The following DEFB106A variants were observed in gnomAD, a reference collection of about 807,000 sequenced individuals.
DEFB106A encodes defensin beta 106A, also known as beta-defensin 106.
For synonymous variants in DEFB106A, 1 was observed against 22.5 expected, an observed-to-expected ratio of 0.04 and a Z score of 2.70; for missense variants, 4 against 63.7, an observed-to-expected ratio of 0.06 and a Z score of 3.19.
intron 1 of DEFB106A, among the ~76,000 whole-genome samples, chr8:7,827,502 ATAT>A (rs1459413778): frequency 1.6e-4 from 19 of 115,646 alleles, no homozygotes; most frequent in South Asian, 3.5e-4. Flanking sequence ...TATATATACT[ATAT>A]TATTACTAGT....
intron 1 of DEFB106A, among the ~76,000 whole-genome samples, chr8:7,827,755 A>G (rs553584212): frequency 1.8e-4 from 25 of 138,998 alleles, no homozygotes; most frequent in Admixed American, 1.5e-3. Flanking sequence ...ACTAAACCAA[A>G]AAGATTTTAT....
rs1563447764 is a variant in DEFB106A, at chr8:7,826,689, GAT to G, written c.49+1466_49+1467del. Among the ~76,000 whole-genome samples the G allele has an allele frequency of 1.0e-4, 10 of 98,442 alleles. No individual in the cohort carries two copies. The Admixed American group carries it at 1.1e-3, about 11-fold the overall frequency. 64.6% of individuals were successfully genotyped at this position (98,442 alleles called of 152,430 possible). A position where few individuals can be genotyped will look rare whatever the true frequency, so the allele number is the denominator to read the frequency against. Reference sequence around the variant, plus strand: ...ATACATATTTTTTTTTTTTTTTTGAGATAGAGTCTCACTCTGTTCCCCGGGCT... The same window carrying G: ...ATACATATTTTTTTTTTTTTTTTGAGAGAGTCTCACTCTGTTCCCCGGGCT... On this transcript the variant is annotated intron_variant, in intron 1 of 1. Transcript: ENST00000335186.
chr8:7,827,311 G>T (rs1413648077), intron 1 of DEFB106A, among the ~76,000 whole-genome samples: 1 of 119,340 alleles, frequency 8.4e-6, no homozygotes, highest in Admixed American at 9.2e-5. Context: ...TAATACACTA[G>T]TATATAGTAT....
In DEFB106A at chr8:7,825,239, C is replaced by CT; in HGVS notation, c.49+17dup. 8.2e-6 allele frequency: 3 copies of CT among 367,346 alleles called. No individual in the cohort carries two copies. The highest frequency in any genetic ancestry group is 9.6e-6 in the Non-Finnish European group (2 of 208,468). 22.8% of individuals were successfully genotyped at this position (367,346 alleles called of 1,614,324 possible). The stretch of plus-strand genomic sequence containing the variant: ...TTCTGACCCCAGGTAAAATGGGCAT[C>CT]TTTACAGGGAAGGTGATCGGAGGTG... On this transcript the variant is annotated intron_variant, in intron 1 of 1. Transcript: ENST00000335186.
Position 7,827,740 on chromosome 8 carries a change from A to G in DEFB106A, c.50-1065A>G, listed in dbSNP as rs1817459165. Reference sequence around the variant, plus strand: ...AGTATATACTAAGCTATACTATGATACTATACTAAACCAAAAAGATTTTAT... The same window carrying G: ...AGTATATACTAAGCTATACTATGATGCTATACTAAACCAAAAAGATTTTAT... On this transcript the variant is annotated intron_variant, in intron 1 of 1. Coordinates refer to ENST00000335186, the MANE Select transcript of DEFB106A (RefSeq NM_152251.4). 1.4e-5 allele frequency among the ~76,000 whole-genome samples: 2 copies of G among 138,488 alleles called. 1 individual carries two copies. Among genetic ancestry groups the G allele is most frequent in the East Asian group, 4.2e-4 (2 of 4,760 alleles). 90.9% of individuals were successfully genotyped at this position (138,488 alleles called of 152,430 possible).
At chr8:7,826,525 G>C (rs1817402609) in intron 1 of DEFB106A, among the ~76,000 whole-genome samples, 2 of 149,078 alleles carry the variant, frequency 1.3e-5, no homozygotes, top group African/African-American at 4.9e-5. Context: ...AATAGTATTA[G>C]AGAAAATCTT....
intron 1 of DEFB106A, among the ~76,000 whole-genome samples, chr8:7,826,874 T>C (rs1025277846): frequency 6.3e-5 from 8 of 127,830 alleles, no homozygotes; most frequent in African/African-American, 2.1e-4. Flanking sequence ...TTCACCGTGT[T>C]GGTCAGCCTG....
chr8:7,826,578 T>C (rs1342018401), intron 1 of DEFB106A, among the ~76,000 whole-genome samples: 1 of 148,510 alleles, frequency 6.7e-6, no homozygotes, highest in African/African-American at 2.5e-5. Flanking sequence ...GTATATACTA[T>C]AATTATTTAC....
rs1409320931 is a variant in DEFB106A, at chr8:7,826,533, C to A, written c.49+1308C>A. 1.5e-4 allele frequency among the ~76,000 whole-genome samples: 22 copies of A among 148,840 alleles called. 1 individual carries two copies. Among genetic ancestry groups the A allele is most frequent in the South Asian group, 1.1e-3 (5 of 4,690 alleles). On this transcript the variant is annotated intron_variant, in intron 1 of 1. Transcript: ENST00000335186. Reference sequence around the variant, plus strand: ...ATAATACAATAGTATTAGAGAAAATCTTTTTGGTTTAGTATAGTATTATAG... The same window carrying A: ...ATAATACAATAGTATTAGAGAAAATATTTTTGGTTTAGTATAGTATTATAG...
chr8:7,827,674 C>A (rs1404571179), intron 1 of DEFB106A, among the ~76,000 whole-genome samples: 1 of 132,428 alleles, frequency 7.6e-6, no homozygotes, highest in Non-Finnish European at 1.7e-5. Context: ...CTATAGTATA[C>A]ACTATTATAC....
chr8:7,828,938 G>C lies in DEFB106A; in HGVS notation c.183G>C (p.Gly61=). The C allele has an allele frequency of 6.7e-7, 1 of 1,483,096 alleles. No individual in the cohort carries two copies. The highest frequency in any genetic ancestry group is 9.1e-7 in the Non-Finnish European group (1 of 1,095,046). 91.9% of individuals were successfully genotyped at this position (1,483,096 alleles called of 1,614,324 possible). The part of the protein sequence containing the change: ...LKCCRTIQPC[G]SIID ...GCTGTCGGACCATCCAGCCATGTGG[G>C]AGCATTATAGATTAATGCAGAAGAT... is the stretch of plus-strand genomic sequence containing the variant. The change falls in exon 2 of 2, where the codon GGG becomes GGC. Residue 61 remains glycine (G), a synonymous_variant. Coordinates refer to ENST00000335186, the MANE Select transcript of DEFB106A (RefSeq NM_152251.4).
In DEFB106A at chr8:7,828,180, G is replaced by C. The variant is rs199537478; in HGVS notation, c.50-625G>C. ...GGACTGCTACTGATAAAGCCCTAAGGTGGGAACTGGAATTCTCCGCAAAAT... is the reference window on the plus strand; with the variant it reads ...GGACTGCTACTGATAAAGCCCTAAGCTGGGAACTGGAATTCTCCGCAAAAT... On this transcript the variant is annotated intron_variant, in intron 1 of 1. Transcript: ENST00000335186. Among the ~76,000 whole-genome samples, 1,411 of 149,258 alleles carry C rather than the reference G, an allele frequency of 9.5e-3. 21 individuals carry two copies. Among genetic ancestry groups the C allele is most frequent in the East Asian group, 0.022 (112 of 5,050 alleles).
chr8:7,828,412 C>T (rs1247441244), intron 1 of DEFB106A, among the ~76,000 whole-genome samples: 2 of 106,666 alleles, frequency 1.9e-5, no homozygotes, highest in African/African-American at 6.4e-5. Context: ...TCTCCTCAGT[C>T]TCAGCTCTTG....
chr8:7,827,837 T>C lies in DEFB106A; in HGVS notation c.50-968T>C, dbSNP rs576329150. Among the ~76,000 whole-genome samples the C allele has an allele frequency of 6.7e-4, 95 of 141,546 alleles. 1 individual carries two copies. The highest frequency in any genetic ancestry group is 1.5e-3 in the South Asian group (6 of 4,090). The allele number at this position is 141,546 out of a possible 152,430, so 92.9% of individuals were successfully genotyped here. A position where few individuals can be genotyped will look rare whatever the true frequency, so the allele number is the denominator to read the frequency against. Reference sequence around the variant, plus strand: ...GCCTTACAGTAGGGCAGAGAGAACATAGACCCCTGCCAGTGAGAGCCAGAG... The same window carrying C: ...GCCTTACAGTAGGGCAGAGAGAACACAGACCCCTGCCAGTGAGAGCCAGAG... On this transcript the variant is annotated intron_variant, in intron 1 of 1. Transcript: ENST00000335186.
intron 1 of DEFB106A, among the ~76,000 whole-genome samples, chr8:7,827,743 A>G (rs1204072944): frequency 4.3e-5 from 6 of 138,642 alleles, no homozygotes; most frequent in Non-Finnish European, 9.7e-5. Flanking sequence ...CTATGATACT[A>G]TACTAAACCA....
intron 1 of DEFB106A, among the ~76,000 whole-genome samples, chr8:7,826,299 G>C (rs1382502048): frequency 4.7e-5 from 7 of 150,062 alleles, no homozygotes; most frequent in Non-Finnish European, 4.4e-5. Context: ...ATCTTTTTCA[G>C]ATCACTCATA....
chr8:7,826,675 T>G, intron 1 of DEFB106A, among the ~76,000 whole-genome samples: 1 of 129,726 alleles, frequency 7.7e-6, no homozygotes, highest in Non-Finnish European at 1.7e-5. Context: ...TACATATTTT[T>G]TTTTTTTTTT....
At chr8:7,827,806 G>A (rs1324651161) in intron 1 of DEFB106A, among the ~76,000 whole-genome samples, 2 of 141,388 alleles carry the variant, frequency 1.4e-5, no homozygotes, top group East Asian at 4.1e-4. Context: ...TATTATATTA[G>A]TATCTGCCTT....
chr8:7,826,534 T>C lies in DEFB106A; in HGVS notation c.49+1309T>C, dbSNP rs1817402884. ...TAATACAATAGTATTAGAGAAAATC[T>C]TTTTGGTTTAGTATAGTATTATAGT... On this transcript the variant is annotated intron_variant, in intron 1 of 1. Transcript: ENST00000335186. 8.7e-5 allele frequency among the ~76,000 whole-genome samples: 13 copies of C among 149,276 alleles called. 1 individual carries two copies. In the South Asian group the frequency reaches 2.8e-3, roughly 32 times the overall value.
Sources: gnomAD v4.1 joint callset for allele counts (sites outside exome capture counted in the v4.1 genomes callset) on GRCh38, gnomAD v4.1.1 for gene constraint, MANE v1.5 for transcripts, NCBI Gene and HGNC (gene_info 2026-07-23, HGNC 2026-07-21) for gene names.